Variants in RCOR1 observed in about 807,000 individuals in gnomAD.
The protein encoded by RCOR1 is REST corepressor 1, also known as REST corepressor.
In RCOR1, 12 loss-of-function variants were observed where a neutral mutation model predicts 64.0. The observed-to-expected ratio is 0.19, with a 90% CI of 0.12 to 0.30. The LOEUF is 0.30. RCOR1 is among the 10% of genes least tolerant of loss of function. The pLI is 1.00. For missense variants in RCOR1, 502 were observed against 621.2 expected (o/e 0.81, Z 2.04); for synonymous variants, 279 against 227.2 (o/e 1.23, Z -2.05).
chr14:102,617,821 C>A (rs2139896396), intron 2 of RCOR1, among the ~76,000 whole-genome samples: 1 of 152,112 alleles, frequency 6.6e-6, no homozygotes, highest in East Asian at 1.9e-4. Context: ...AACTCCTGAC[C>A]TTGTGATCTG....
At chr14:102,654,888 AGT>A (rs1656585666) in intron 2 of RCOR1, among the ~76,000 whole-genome samples, 1 of 145,936 alleles carries the variant, frequency 6.9e-6, no homozygotes, top group Non-Finnish European at 1.5e-5. Flanking sequence ...GGCTTGCTGC[AGT>A]GTCAGTCTCC....
At chr14:102,597,947 C>T (rs895775437) in intron 2 of RCOR1, among the ~76,000 whole-genome samples, 6 of 151,594 alleles carry the variant, frequency 4.0e-5, no homozygotes, top group Admixed American at 1.3e-4. Flanking sequence ...CTCAGCCTCC[C>T]GAGTAGCCGG....
chr14:102,658,049 A>T lies in RCOR1; in HGVS notation c.362-23846A>T, dbSNP rs939578753. 1.2e-5 allele frequency: 7 copies of T among 599,104 alleles called. No individual in the cohort carries two copies. The East Asian group carries it at 8.7e-4, about 74-fold the overall frequency. 37.1% of individuals were successfully genotyped at this position (599,104 alleles called of 1,614,324 possible). A position where few individuals can be genotyped will look rare whatever the true frequency, so the allele number is the denominator to read the frequency against. On this transcript the variant is annotated intron_variant, in intron 2 of 11. Transcript: ENST00000262241. ...GAGTGCAGTGGCATGATCTCGGCTC[A>T]CTGTAACCTCTGCCTCCCAGGTTCA...
rs1895269087 is a variant in RCOR1, at chr14:102,679,909, CCTTT to C, written c.362-1981_362-1978del. 5.9e-5 allele frequency among the ~76,000 whole-genome samples: 9 copies of C among 152,260 alleles called. No individual in the cohort carries two copies. The South Asian group carries it at 1.9e-3, about 32-fold the overall frequency. On this transcript the variant is annotated intron_variant, in intron 2 of 11. Coordinates refer to ENST00000262241, the MANE Select transcript of RCOR1 (RefSeq NM_015156.4). The stretch of plus-strand genomic sequence containing the variant: ...TGCATTGGCTGTCTCATTTACTTTG[CCTTT>C]CTTTATGAATTGTAGAATATTTATC...
At chr14:102,663,628 T>TC (rs929834705) in intron 2 of RCOR1, among the ~76,000 whole-genome samples, 36 of 152,270 alleles carry the variant, frequency 2.4e-4, no homozygotes, top group Admixed American at 1.6e-3. Flanking sequence ...GGCTTTTTTT[T>TC]CTCTTGGATT....
intron 2 of RCOR1, among the ~76,000 whole-genome samples, chr14:102,669,137 C>T (rs1894977669): frequency 6.6e-6 from 1 of 152,040 alleles, no homozygotes; most frequent in Non-Finnish European, 1.5e-5. Flanking sequence ...TGGAGAAACC[C>T]TGTCTCTACT....
chr14:102,704,200 C>T (rs1454695186), intron 4 of RCOR1, among the ~76,000 whole-genome samples: 2 of 152,188 alleles, frequency 1.3e-5, no homozygotes, highest in Non-Finnish European at 2.9e-5. Flanking sequence ...GACCCCAGGA[C>T]CCAATCCTGT....
intron 6 of RCOR1, among the ~76,000 whole-genome samples, chr14:102,710,384 A>G (rs987430969): frequency 3.9e-5 from 6 of 152,340 alleles, no homozygotes; most frequent in African/African-American, 1.4e-4. Flanking sequence ...TGCTATACCA[A>G]TGTAAGTTTT....
At chr14:102,688,931 A>G (rs1360994967) in intron 3 of RCOR1, among the ~76,000 whole-genome samples, 1 of 152,008 alleles carries the variant, frequency 6.6e-6, no homozygotes, top group East Asian at 1.9e-4. Flanking sequence ...ATTCCAGTTG[A>G]TCTGCACCCT....
intron 3 of RCOR1, among the ~76,000 whole-genome samples, chr14:102,687,802 G>C (rs1895450890): frequency 6.6e-6 from 1 of 152,146 alleles, no homozygotes; most frequent in Admixed American, 6.5e-5. Context: ...TCAGTATTCT[G>C]ATGTTCCCGT....
At chr14:102,593,913 C>T (rs963454336) in intron 2 of RCOR1, among the ~76,000 whole-genome samples, 1 of 152,140 alleles carries the variant, frequency 6.6e-6, no homozygotes, top group Non-Finnish European at 1.5e-5. Flanking sequence ...AAGAGAGTCT[C>T]GCGTGTGGCA....
At chr14:102,612,161 A>G (rs1451850365) in intron 2 of RCOR1, among the ~76,000 whole-genome samples, 1 of 151,848 alleles carries the variant, frequency 6.6e-6, no homozygotes, top group African/African-American at 2.4e-5. Context: ...AATATACTAC[A>G]CAAGGTAAAT....
chr14:102,665,863 G>A (rs1443933454), intron 2 of RCOR1, among the ~76,000 whole-genome samples: 3 of 152,206 alleles, frequency 2.0e-5, no homozygotes. Flanking sequence ...CGTAGTAATA[G>A]TTAATAATTA....
chr14:102,648,531 C>T (rs1370117062), intron 2 of RCOR1, among the ~76,000 whole-genome samples: 3 of 152,224 alleles, frequency 2.0e-5, no homozygotes, highest in Non-Finnish European at 4.4e-5. Flanking sequence ...AATATCTTGG[C>T]ACTAGCTGTA....
intron 2 of RCOR1, among the ~76,000 whole-genome samples, chr14:102,620,062 AG>A (rs1350816618): frequency 2.6e-5 from 4 of 152,200 alleles, no homozygotes; most frequent in African/African-American, 9.7e-5. Context: ...CAAATTATAC[AG>A]TAGCTTTCTT....
intron 10 of RCOR1, 93 bp downstream of exon 10, chr14:102,721,470 G>C: frequency 1.2e-6 from 1 of 846,370 alleles, no homozygotes; most frequent in Non-Finnish European, 1.9e-6. Context: ...GCATTTGCTT[G>C]AGCCCAGGAG....
At chr14:102,684,823 T>C (rs1177354169) in intron 3 of RCOR1, among the ~76,000 whole-genome samples, 1 of 152,194 alleles carries the variant, frequency 6.6e-6, no homozygotes, top group Non-Finnish European at 1.5e-5. Flanking sequence ...AGTTTCCACG[T>C]TGTTAAAACT....
At chr14:102,715,932 C>T (rs190519349) in intron 8 of RCOR1, among the ~76,000 whole-genome samples, 2 of 152,242 alleles carry the variant, frequency 1.3e-5, no homozygotes, top group African/African-American at 2.4e-5. Flanking sequence ...CTGGTCTTGA[C>T]CCAGTAGATG....
intron 2 of RCOR1, chr14:102,657,386 T>C: frequency 1.0e-6 from 1 of 985,402 alleles, no homozygotes; most frequent in Non-Finnish European, 1.2e-6. Context: ...TTACTTCTTC[T>C]TGGAGCTAAT....
Sources: allele counts gnomAD v4.1 joint callset (sites outside exome capture counted in the v4.1 genomes callset), GRCh38; gene constraint gnomAD v4.1.1; transcripts MANE v1.5; gene names NCBI Gene and HGNC (gene_info 2026-07-23, HGNC 2026-07-21).